Variants in CCDC88C observed in about 807,000 individuals in gnomAD.
The protein encoded by CCDC88C is coiled-coil and HOOK domain protein 88C, also known as protein Daple.
Under a neutral mutation model 198.8 loss-of-function variants are expected in CCDC88C, and 131 were observed. The observed-to-expected ratio is 0.66, with a 90% CI of 0.57 to 0.76. The LOEUF (loss-of-function observed/expected upper bound fraction) is 0.76, where lower values mean the gene tolerates loss of function less well. Ranked by LOEUF, CCDC88C falls within the 30% of genes least tolerant of loss-of-function variation. The pLI is 0.00. For missense variants in CCDC88C, 2,553 were observed against 2,631.6 expected (o/e 0.97, Z 0.65); for synonymous variants, 1,166 against 1,114.7 (o/e 1.05, Z -0.92).
chr14:91,313,560 C>T lies in CCDC88C; in HGVS notation c.2256G>A (p.Lys752=), dbSNP rs1448281685. 1 of 1,611,456 alleles carries T rather than the reference C, an allele frequency of 6.2e-7. No homozygotes were observed. The change falls in exon 15 of 30, where the codon AAG becomes AAA. Residue 752 remains lysine (K), a synonymous_variant. Transcript: ENST00000389857. The surrounding 1 kb of genome is among the most constrained non-coding windows in gnomAD (Gnocchi z 5.2). Reference sequence around the variant, plus strand: ...AGCTGAGCTCCAGGCGCTCTGACTTCTTGCCCAGCGCCTTGAGCAGATCCA... The same window carrying T: ...AGCTGAGCTCCAGGCGCTCTGACTTTTTGCCCAGCGCCTTGAGCAGATCCA... ...KNVDLLKALG[K]KSERLELSYQ...
At chr14:91,301,105 T>A (rs1891259004) in intron 20 of CCDC88C, among the ~76,000 whole-genome samples, 1 of 152,230 alleles carries the variant, frequency 6.6e-6, no homozygotes, top group African/African-American at 2.4e-5. Context: ...GCAGAAACTT[T>A]ATAACTCTTA....
intron 13 of CCDC88C, among the ~76,000 whole-genome samples, chr14:91,319,144 AT>A (rs750338424): frequency 1.3e-5 from 2 of 152,196 alleles, no homozygotes; most frequent in African/African-American, 4.8e-5. Context: ...CAGCTGGTGC[AT>A]TCAGAGCCCA....
At chr14:91,340,122 A>C in intron 6 of CCDC88C, 98 bp from the exon 7 acceptor site, 3 of 1,483,894 alleles carry the variant, frequency 2.0e-6, no homozygotes, top group Non-Finnish European at 1.8e-6. Context: ...AACCTTACTA[A>C]TCCCTCAGTG....
At chr14:91,305,731 G>C in intron 19 of CCDC88C, 34 bp downstream of exon 19, 1 of 1,581,190 alleles carries the variant, frequency 6.3e-7, no homozygotes, top group Non-Finnish European at 8.7e-7. Flanking sequence ...ATCCCGCCAG[G>C]CTTGTGACCA....
rs556628724 is a variant in CCDC88C at position 91,371,469 on chromosome 14, C to T, written c.271-11758G>A. Among the ~76,000 whole-genome samples, 63 of 152,154 alleles carry T rather than the reference C, an allele frequency of 4.1e-4. No homozygotes were observed. Among genetic ancestry groups the T allele is most frequent in the South Asian group, 4.2e-4 (2 of 4,814 alleles). The stretch of plus-strand genomic sequence containing the variant: ...CTGTCCAGGCCCAGCCAACCTCACC[C>T]GCCGGTGGCAGGAGTACAGAGGCCG... On this transcript the variant is annotated intron_variant, in intron 3 of 29. Coordinates refer to ENST00000389857, the MANE Select transcript of CCDC88C (RefSeq NM_001080414.4). The surrounding 1 kb of genome is among the most constrained non-coding windows in gnomAD (Gnocchi z 4.2).
intron 14 of CCDC88C, 87 bp downstream of exon 14, chr14:91,315,563 A>G: frequency 6.9e-7 from 1 of 1,450,168 alleles, no homozygotes; most frequent in Non-Finnish European, 9.5e-7. Context: ...ATGCATCCAC[A>G]ATACAGTACC....
chr14:91,405,143 G>A lies in CCDC88C; in HGVS notation c.270+3516C>T, dbSNP rs185229315. Among the ~76,000 whole-genome samples the A allele has an allele frequency of 5.3e-3, 799 of 152,100 alleles. 6 individuals carry two copies. Among genetic ancestry groups the A allele is most frequent in the Middle Eastern group, 0.014 (4 of 294 alleles). ...ATGCCCTGCTCAGGAAAAGGTCAAG[G>A]ACCCTTTGCCTCCCCAGGTTCTCAG... On this transcript the variant is annotated intron_variant, in intron 3 of 29. Transcript: ENST00000389857.
intron 3 of CCDC88C, among the ~76,000 whole-genome samples, chr14:91,405,986 C>T (rs1758498382): frequency 6.6e-6 from 1 of 152,206 alleles, no homozygotes; most frequent in African/African-American, 2.4e-5. Context: ...CCCAGTCCTC[C>T]AAGAGCTCCC....
rs923172164 is a variant in CCDC88C, at chr14:91,312,460, G to T, written c.2736+620C>A. Among the ~76,000 whole-genome samples, 79 of 151,704 alleles carry T rather than the reference G, an allele frequency of 5.2e-4. 1 individual carries two copies. Among genetic ancestry groups the T allele is most frequent in the African/African-American group, 1.9e-3 (79 of 41,268 alleles). On this transcript the variant is annotated intron_variant, in intron 15 of 29. Transcript: ENST00000389857. The stretch of plus-strand genomic sequence containing the variant: ...CACTTTGGGAGGCCGAGGCGGGTGG[G>T]TCACCTGAGGTCAGGCGTTCGAGAC...
chr14:91,385,300 C>G (rs1054560873), intron 3 of CCDC88C, among the ~76,000 whole-genome samples: 1 of 152,192 alleles, frequency 6.6e-6, no homozygotes, highest in Non-Finnish European at 1.5e-5. Flanking sequence ...GGTTCTCTCA[C>G]CCCACAAGTA....
chr14:91,409,269 G>A (rs977552282), intron 2 of CCDC88C, among the ~76,000 whole-genome samples: 4 of 151,080 alleles, frequency 2.6e-5, no homozygotes, highest in Non-Finnish European at 4.4e-5. Context: ...GATCACTACA[G>A]CCTCGAACTC....
chr14:91,287,481 G>A (rs1156719587), intron 25 of CCDC88C, among the ~76,000 whole-genome samples: 3 of 152,040 alleles, frequency 2.0e-5, no homozygotes, highest in South Asian at 4.2e-4. Flanking sequence ...CTACAGGTAC[G>A]TGCCACCACA....
intron 26 of CCDC88C, 109 bp from the exon 27 acceptor site, chr14:91,281,634 G>A (rs890163538): frequency 6.5e-5 from 60 of 918,530 alleles, no homozygotes; most frequent in Non-Finnish European, 9.8e-5. Context: ...AGCTCTTGGG[G>A]ATGAGGGAAT....
chr14:91,417,768 G>GCGGCA lies in CCDC88C; in HGVS notation c.-79_-78insTGCCG. The GCGGCA allele has an allele frequency of 3.7e-6, 4 of 1,072,164 alleles. No homozygotes were observed. The highest frequency in any genetic ancestry group is 4.8e-6 in the Non-Finnish European group (4 of 838,688). The allele number at this position is 1,072,164 out of a possible 1,614,324, so 66.4% of individuals were successfully genotyped here. ...CCGCGCCGCGGCACAAAACGGCTCC[G>GCGGCA]CAGCGAGCAGCGGGCGCGGGGCTGC... On this transcript the variant is annotated 5_prime_UTR_variant, in exon 1 of 30. Coordinates refer to ENST00000389857, the MANE Select transcript of CCDC88C (RefSeq NM_001080414.4).
At chr14:91,391,416 T>G (rs927891350) in intron 3 of CCDC88C, among the ~76,000 whole-genome samples, 2 of 152,182 alleles carry the variant, frequency 1.3e-5, no homozygotes, top group African/African-American at 4.8e-5. Context: ...TCTAGAACTC[T>G]TTTCATCTTG....
chr14:91,414,831 A>G (rs1886964252), intron 2 of CCDC88C, among the ~76,000 whole-genome samples: 1 of 152,170 alleles, frequency 6.6e-6, no homozygotes, highest in African/African-American at 2.4e-5. Flanking sequence ...CAGAGAGAAC[A>G]TCTAAAATTG....
rs1367545449 is a variant in CCDC88C at position 91,325,873 on chromosome 14, T to A, written c.1197+37A>T. 6.5e-7 allele frequency: 1 copy of A among 1,537,980 alleles called. No individual in the cohort carries two copies. Among genetic ancestry groups the A allele is most frequent in the East Asian group, 2.5e-5 (1 of 40,492 alleles). On this transcript the variant is annotated intron_variant, in intron 11 of 29. Transcript: ENST00000389857. The surrounding 1 kb of genome is among the most constrained non-coding windows in gnomAD (Gnocchi z 4.1). ...CATGAGCCACTGTGCCCGAGCCCAATCTGTTTTCAATGTAGTAACAACACA... is the reference window on the plus strand; with the variant it reads ...CATGAGCCACTGTGCCCGAGCCCAAACTGTTTTCAATGTAGTAACAACACA...
Position 91,310,068 on chromosome 14 carries a change from A to G in CCDC88C, c.2737-82T>C, listed in dbSNP as rs1428928686. 3.2e-5 allele frequency: 45 copies of G among 1,394,138 alleles called. No homozygotes were observed. The South Asian group carries it at 6.4e-4, about 20-fold the overall frequency. The allele number at this position is 1,394,138 out of a possible 1,614,324, so 86.4% of individuals were successfully genotyped here. A position where few individuals can be genotyped will look rare whatever the true frequency, so the allele number is the denominator to read the frequency against. ...CAGGCGCCAGTCCCGCCCGGGTGTGAGCAACTGTCCTCCCGGGCCACGGCT... is the reference window on the plus strand; with the variant it reads ...CAGGCGCCAGTCCCGCCCGGGTGTGGGCAACTGTCCTCCCGGGCCACGGCT... On this transcript the variant is annotated intron_variant, in intron 15 of 29. Transcript: ENST00000389857.
chr14:91,297,401 C>G lies in CCDC88C; in HGVS notation c.3870G>C (p.Gln1290His), dbSNP rs1416528423. 1.9e-6 allele frequency: 3 copies of G among 1,612,024 alleles called. No homozygotes were observed. The highest frequency in any genetic ancestry group is 2.5e-6 in the Non-Finnish European group (3 of 1,179,200). ...KELKTSLNNAQLELNRWQARF... is the reference protein window; with the variant it reads ...KELKTSLNNAHLELNRWQARF... ...GGGCCTGCCAGCGGTTGAGCTCCAG[C>G]TGCGCGTTGTTCAGTGAGGTTTTCA... Residue 1290 changes from glutamine (Q) to histidine (H), a missense_variant, in exon 22 of 30, where the codon CAG (glutamine) becomes CAC (histidine). Gln to His is a conservative substitution (Grantham distance 24). Coordinates refer to ENST00000389857, the MANE Select transcript of CCDC88C (RefSeq NM_001080414.4).
Sources: allele counts gnomAD v4.1 joint callset (sites outside exome capture counted in the v4.1 genomes callset), GRCh38; gene constraint gnomAD v4.1.1; non-coding constraint Gnocchi (gnomAD v3.1); transcripts MANE v1.5; gene names NCBI Gene and HGNC (gene_info 2026-07-23, HGNC 2026-07-21).